Variants in ITGB1 observed in about 807,000 individuals in gnomAD.
ITGB1 encodes the protein integrin beta-1.
A neutral mutation model predicts 86.5 loss-of-function variants in ITGB1; 24 were observed. The ratio of observed to expected loss-of-function variants is 0.28; its 90% CI spans 0.20 to 0.39. The LOEUF (loss-of-function observed/expected upper bound fraction) is 0.39, where lower values mean the gene tolerates loss of function less well. Among genes scored for constraint, ITGB1 ranks in the 10% least tolerant of loss-of-function variants. The pLI is 1.00. For synonymous variants in ITGB1, 323 were observed against 316.8 expected (o/e 1.02, Z -0.21); for missense variants, 556 against 946.9 (o/e 0.59, Z 5.42).
chr10:32,921,900 A>G lies in ITGB1; in HGVS notation c.1128+357T>C, dbSNP rs182290146. Reference sequence around the variant, plus strand: ...CTAGCACAATTCATCAGAATAGATGACTCTATAAAGGATATTTTGGGGAGG... The same window carrying G: ...CTAGCACAATTCATCAGAATAGATGGCTCTATAAAGGATATTTTGGGGAGG... On this transcript the variant is annotated intron_variant, in intron 9 of 15. Transcript: ENST00000302278. Among the ~76,000 whole-genome samples the G allele has an allele frequency of 1.2e-3, 189 of 152,212 alleles. No homozygotes were observed. The Middle Eastern group carries it at 0.014, about 11-fold the overall frequency.
Position 32,923,567 on chromosome 10 carries a change from A to G in ITGB1, c.942+18T>C. The stretch of plus-strand genomic sequence containing the variant: ...TCCAACATAAACACATTCACTATGT[A>G]AGGAACCAGGCACTTACATAATAAT... On this transcript the variant is annotated intron_variant, in intron 7 of 15. Transcript: ENST00000302278. The G allele has an allele frequency of 6.3e-7, 1 of 1,598,014 alleles. No homozygotes were observed.
intron 14 of ITGB1, among the ~76,000 whole-genome samples, chr10:32,909,808 G>A (rs536647614): frequency 7.2e-5 from 11 of 151,788 alleles, no homozygotes; most frequent in East Asian, 3.9e-4. Flanking sequence ...TTTCACCTCC[G>A]GAGAAGTTGA....
intron 1 of ITGB1, among the ~76,000 whole-genome samples, chr10:32,952,472 G>A (rs1483752593): frequency 6.6e-6 from 1 of 151,066 alleles, no homozygotes; most frequent in African/African-American, 2.4e-5. Context: ...ACATGACCCT[G>A]TACCACCCCT....
At chr10:32,903,351 CA>C (rs35559257) in intron 15 of ITGB1, among the ~76,000 whole-genome samples, 368 of 57,002 alleles carry the variant, frequency 6.5e-3, no homozygotes, top group African/African-American at 0.017. Flanking sequence ...GACTCCATCT[CA>C]AAAAAAAAAA....
Position 32,935,553 on chromosome 10 carries a change from A to G in ITGB1, c.6T>C (p.Asn2=), listed in dbSNP as rs769665487. The G allele has an allele frequency of 6.2e-7, 1 of 1,609,124 alleles. No homozygotes were observed. Among genetic ancestry groups the G allele is most frequent in the Non-Finnish European group, 8.5e-7 (1 of 1,175,556 alleles). M[N]LQPIFWIGLI... ...GTCCAATCCAGAAAATTGGTTGTAA[A>G]TTCATCTGAAATGTAAAATGTGCCT... is the stretch of plus-strand genomic sequence containing the variant. Residue 2 remains asparagine (N), a synonymous_variant, in exon 2 of 16, where the codon AAT becomes AAC. Transcript: ENST00000302278.
At chr10:32,910,794 G>A (rs1473649628) in intron 13 of ITGB1, among the ~76,000 whole-genome samples, 2 of 151,942 alleles carry the variant, frequency 1.3e-5, no homozygotes, top group East Asian at 1.9e-4. Flanking sequence ...TGTCATCCAG[G>A]CAGTGCAGTG....
chr10:32,940,195 A>C (rs1481380850), intron 1 of ITGB1, among the ~76,000 whole-genome samples: 1 of 152,036 alleles, frequency 6.6e-6, no homozygotes, highest in East Asian at 1.9e-4. Flanking sequence ...AAATACAAAA[A>C]TTAGCTTGGC....
Position 32,929,886 on chromosome 10 carries a change from C to T in ITGB1, c.312G>A (p.Glu104=). ...NVTNRSKGTA[E]KLKPEDITQI... is the part of the protein sequence containing the mutation. ...GAGTAATATCCTCTGGCTTGAGCTTCTCTGCTGTTCCTTTGCTACGGTTGG... is the reference window on the plus strand; with the variant it reads ...GAGTAATATCCTCTGGCTTGAGCTTTTCTGCTGTTCCTTTGCTACGGTTGG... The change falls in exon 4 of 16, where the codon GAG becomes GAA. Residue 104 remains glutamate, a synonymous_variant. Transcript: ENST00000302278. 1 of 1,613,576 alleles carries T rather than the reference C, an allele frequency of 6.2e-7. No homozygotes were observed. Among genetic ancestry groups the T allele is most frequent in the Non-Finnish European group, 8.5e-7 (1 of 1,179,488 alleles).
chr10:32,922,144 T>C (rs2094952035), intron 9 of ITGB1, 113 bp downstream of exon 9: 1 of 598,768 alleles, frequency 1.7e-6, no homozygotes, highest in Admixed American at 3.5e-5. Flanking sequence ...TTTAAGTTTT[T>C]CTGTAGTACT....
At chr10:32,927,970 C>T (rs892029790) in intron 5 of ITGB1, 124 bp downstream of exon 5, 13 of 582,522 alleles carry the variant, frequency 2.2e-5, no homozygotes, top group African/African-American at 1.5e-4. Flanking sequence ...TCAGAAAAGG[C>T]TAAAAAACTG....
chr10:32,902,679 A>T (rs935518722), intron 15 of ITGB1, among the ~76,000 whole-genome samples: 7 of 152,164 alleles, frequency 4.6e-5, no homozygotes, highest in Non-Finnish European at 8.8e-5. Context: ...GGTGATTTTT[A>T]AAAAAATATT....
At chr10:32,917,550 C>G (rs888968565) in intron 11 of ITGB1, among the ~76,000 whole-genome samples, 1 of 152,174 alleles carries the variant, frequency 6.6e-6, no homozygotes, top group Non-Finnish European at 1.5e-5. Context: ...ACAGACACTT[C>G]TCAAAAGGAG....
At chr10:32,938,537 C>T (rs2095009725) in intron 1 of ITGB1, among the ~76,000 whole-genome samples, 2 of 152,220 alleles carry the variant, frequency 1.3e-5, no homozygotes, top group Admixed American at 1.3e-4. Context: ...ATGTCACTGT[C>T]CTTTCCTTCT....
chr10:32,926,472 T>A (rs551936682), intron 5 of ITGB1, among the ~76,000 whole-genome samples: 3 of 152,324 alleles, frequency 2.0e-5, no homozygotes, highest in Non-Finnish European at 4.4e-5. Context: ...CCTCATGGCT[T>A]GGTGCTATTC....
At chr10:32,929,315 AGGGAAGTCAG>A (rs2094975711) in intron 4 of ITGB1, among the ~76,000 whole-genome samples, 1 of 152,106 alleles carries the variant, frequency 6.6e-6, no homozygotes, top group South Asian at 2.1e-4. Context: ...AGGGGCCGGG[AGGGAAGTCAG>A]GGGACAGGGC....
intron 11 of ITGB1, among the ~76,000 whole-genome samples, chr10:32,919,348 T>TA (rs1244545731): frequency 1.3e-5 from 2 of 152,230 alleles, no homozygotes; most frequent in Non-Finnish European, 2.9e-5. Flanking sequence ...GTAATTTTGT[T>TA]AGTTTTCTTA....
intron 2 of ITGB1, among the ~76,000 whole-genome samples, chr10:32,935,220 T>C (rs2094997376): frequency 6.6e-6 from 1 of 152,226 alleles, no homozygotes; most frequent in Admixed American, 6.5e-5. Context: ...TTACACACTC[T>C]CATGTTCTCA....
intron 9 of ITGB1, among the ~76,000 whole-genome samples, chr10:32,921,788 G>A (rs1244247756): frequency 6.6e-6 from 1 of 151,558 alleles, no homozygotes; most frequent in Non-Finnish European, 1.5e-5. Context: ...TATGGTATAC[G>A]TATATATGAG....
Position 32,919,986 on chromosome 10 carries a change from A to G in ITGB1, c.1368T>C (p.Val456=). 1.2e-6 allele frequency: 2 copies of G among 1,613,986 alleles called. No homozygotes were observed. The highest frequency in any genetic ancestry group is 1.7e-6 in the Non-Finnish European group (2 of 1,179,860). ...RPLGFTEEVE[V]ILQYICECEC... is the part of the protein sequence containing the mutation. The stretch of plus-strand genomic sequence containing the variant: ...CACATTCACAGATGTACTGAAGAAT[A>G]ACCTCTACTTCCTCCGTAAAGCCCA... Residue 456 remains valine, a synonymous_variant, in exon 11 of 16, where the codon GTT becomes GTC. Coordinates refer to ENST00000302278, the MANE Select transcript of ITGB1 (RefSeq NM_002211.4).
Sources: allele counts gnomAD v4.1 joint callset (sites outside exome capture counted in the v4.1 genomes callset), GRCh38; gene constraint gnomAD v4.1.1; transcripts MANE v1.5; gene names NCBI Gene and HGNC (gene_info 2026-07-23, HGNC 2026-07-21).